Variants in FIGN observed in about 807,000 individuals in gnomAD.
FIGN encodes fidgetin, microtubule severing factor.
Under a neutral mutation model 51.3 loss-of-function variants are expected in FIGN, and 11 were observed. That is an observed-to-expected ratio of 0.21 (90% CI 0.13 to 0.35). The LOEUF is 0.35. Ranked by LOEUF, FIGN falls within the 10% of genes least tolerant of loss-of-function variation. FIGN has a pLI of 1.00. For synonymous variants in FIGN, 407 were observed against 363.2 expected (o/e 1.12, Z -1.37); for missense variants, 857 against 943.6 (o/e 0.91, Z 1.20).
chr2:163,691,545 C>T (rs1197169957), intron 2 of FIGN, among the ~76,000 whole-genome samples: 3 of 152,082 alleles, frequency 2.0e-5, no homozygotes, highest in Non-Finnish European at 4.4e-5. Flanking sequence ...TAAACAGTGA[C>T]TTTAGTATGC....
chr2:163,635,505 G>A (rs1026809208), intron 2 of FIGN, among the ~76,000 whole-genome samples: 1 of 152,182 alleles, frequency 6.6e-6, no homozygotes, highest in African/African-American at 2.4e-5. Flanking sequence ...AGGAGGTTGA[G>A]GCTGCAGTGA....
At chr2:163,669,442 C>G (rs1255775088) in intron 2 of FIGN, among the ~76,000 whole-genome samples, 2 of 152,164 alleles carry the variant, frequency 1.3e-5, no homozygotes, top group Non-Finnish European at 2.9e-5. Flanking sequence ...CTTCAGCTTC[C>G]AGAAACCAAT....
intron 2 of FIGN, among the ~76,000 whole-genome samples, chr2:163,650,946 T>A (rs1302373209): frequency 6.6e-6 from 1 of 152,206 alleles, no homozygotes; most frequent in Non-Finnish European, 1.5e-5. Flanking sequence ...TGTGACTTTG[T>A]ATAGGAGCTA....
intron 2 of FIGN, among the ~76,000 whole-genome samples, chr2:163,723,424 G>A (rs1301469600): frequency 6.6e-6 from 1 of 152,048 alleles, no homozygotes; most frequent in Non-Finnish European, 1.5e-5. Flanking sequence ...TCTATAGTAG[G>A]AGAAAGATGA....
intron 2 of FIGN, among the ~76,000 whole-genome samples, chr2:163,731,039 T>A: frequency 6.6e-6 from 1 of 152,260 alleles, no homozygotes; most frequent in African/African-American, 2.4e-5. Flanking sequence ...TTCAAATACA[T>A]CTAGTAATTC....
intron 2 of FIGN, among the ~76,000 whole-genome samples, chr2:163,638,635 A>G (rs1460388030): frequency 6.6e-6 from 1 of 152,216 alleles, no homozygotes; most frequent in Non-Finnish European, 1.5e-5. Context: ...CATTTCAGTT[A>G]CTAATCTTGT....
rs770886664 is a variant in FIGN, at chr2:163,611,200, G to T, written c.632C>A (p.Pro211Gln). The T allele has an allele frequency of 6.2e-7, 1 of 1,614,098 alleles. No homozygotes were observed. Among genetic ancestry groups the T allele is most frequent in the Non-Finnish European group, 8.5e-7 (1 of 1,180,016 alleles). The change falls in exon 3 of 3, where the codon CCG becomes CAG. Residue 211 changes from proline (P) to glutamine (Q), a missense_variant. By Grantham distance (76) the Pro-to-Gln change is moderately conservative (BLOSUM62 -1). This residue lies in a region of FIGN where 799 missense variants were observed against 849.5 expected (regional missense o/e 0.94). Coordinates refer to ENST00000333129, the MANE Select transcript of FIGN (RefSeq NM_018086.4). ...TAGCCCAGAGCTATGCAAAGGAGAC[G>T]GATGAGGTGAAGGAAGTGCAGGTGC... ...QPAPALPSPHPSPLHSSGLLQ... is the reference protein window; with the variant it reads ...QPAPALPSPHQSPLHSSGLLQ...
chr2:163,625,870 A>G (rs1243380392), intron 2 of FIGN, among the ~76,000 whole-genome samples: 1 of 152,108 alleles, frequency 6.6e-6, no homozygotes, highest in Non-Finnish European at 1.5e-5. Flanking sequence ...TTTTGAAATG[A>G]GACTCTGGTC....
chr2:163,676,857 G>GGA (rs1190341484), intron 2 of FIGN, among the ~76,000 whole-genome samples: 1 of 151,816 alleles, frequency 6.6e-6, no homozygotes, highest in African/African-American at 2.4e-5. Flanking sequence ...ATTCAGAAAT[G>GGA]GAAATTCCAT....
At chr2:163,643,932 C>CAAAAAAAAAAAAAAAAAAAAAAAAAA (rs1162234909) in intron 2 of FIGN, among the ~76,000 whole-genome samples, 1 of 19,070 alleles carries the variant, frequency 5.2e-5, no homozygotes, top group Non-Finnish European at 9.6e-5. Context: ...AACTCTGTCT[C>CAAAAAAAAAAAAAAAAAAAAAAAAAA]AAAAAAAAAA....
intron 2 of FIGN, among the ~76,000 whole-genome samples, chr2:163,696,734 C>T (rs553240646): frequency 6.6e-6 from 1 of 151,956 alleles, no homozygotes; most frequent in East Asian, 1.9e-4. Flanking sequence ...GTGGTCCAGT[C>T]TCAGCTCACT....
At chr2:163,675,008 A>T (rs1683934556) in intron 2 of FIGN, among the ~76,000 whole-genome samples, 1 of 152,198 alleles carries the variant, frequency 6.6e-6, no homozygotes, top group African/African-American at 2.4e-5. Flanking sequence ...AATACTTCTA[A>T]AACCTGTTCA....
At chr2:163,637,253 C>A (rs1683240706) in intron 2 of FIGN, among the ~76,000 whole-genome samples, 1 of 152,146 alleles carries the variant, frequency 6.6e-6, no homozygotes, top group South Asian at 2.1e-4. Flanking sequence ...TTAAAACATA[C>A]TTGGGTTCTC....
intron 2 of FIGN, among the ~76,000 whole-genome samples, chr2:163,628,854 C>A (rs1318513153): frequency 5.3e-5 from 8 of 152,134 alleles, no homozygotes; most frequent in Non-Finnish European, 1.2e-4. Context: ...ATTTTTATTA[C>A]CCTTTATATA....
At chr2:163,618,325 A>G (rs574716951) in intron 2 of FIGN, among the ~76,000 whole-genome samples, 9 of 152,202 alleles carry the variant, frequency 5.9e-5, no homozygotes, top group African/African-American at 2.2e-4. Context: ...TTCTCTTTAA[A>G]TCATATTTTC....
At position 163,689,007 on chromosome 2, in the gene FIGN, C is replaced by T. The variant is rs1243453713; in HGVS notation, c.25+45896G>A. Among the ~76,000 whole-genome samples the T allele has an allele frequency of 2.6e-5, 4 of 151,942 alleles. No individual in the cohort carries two copies. The East Asian group carries it at 7.8e-4, about 29-fold the overall frequency. On this transcript the variant is annotated intron_variant, in intron 2 of 2. Transcript: ENST00000333129. ...CAAAACCCTATCTCTTGAAAAAATACAAAATTAGCAGGTGTGGTGGCACAC... is the reference window on the plus strand; with the variant it reads ...CAAAACCCTATCTCTTGAAAAAATATAAAATTAGCAGGTGTGGTGGCACAC...
At chr2:163,679,755 T>A (rs558505787) in intron 2 of FIGN, among the ~76,000 whole-genome samples, 1 of 152,352 alleles carries the variant, frequency 6.6e-6, no homozygotes, top group African/African-American at 2.4e-5. Flanking sequence ...CTTCTTAAAA[T>A]GGCTCCATGT....
chr2:163,715,667 A>G (rs1235790573), intron 2 of FIGN, among the ~76,000 whole-genome samples: 2 of 152,190 alleles, frequency 1.3e-5, no homozygotes, highest in East Asian at 3.9e-4. Context: ...CATACAAGAA[A>G]TAAACATTTT....
intron 2 of FIGN, among the ~76,000 whole-genome samples, chr2:163,706,038 C>G (rs1336398217): frequency 6.6e-6 from 1 of 152,122 alleles, no homozygotes; most frequent in African/African-American, 2.4e-5. Context: ...CTCAGACAGC[C>G]TGAAGCATCC....
Sources: gnomAD v4.1 joint callset for allele counts (sites outside exome capture counted in the v4.1 genomes callset) on GRCh38, gnomAD v4.1.1 for gene constraint, gnomAD v4.1.1 regional missense constraint, MANE v1.5 for transcripts, NCBI Gene and HGNC (gene_info 2026-07-23, HGNC 2026-07-21) for gene names.